Variants in MYMX observed in about 807,000 individuals in gnomAD.
MYMX encodes myomixer, myoblast fusion factor.
the MYMX span, among the ~76,000 whole-genome samples, chr6:44,203,700 C>T: frequency 6.6e-6 from 1 of 152,218 alleles, no homozygotes; most frequent in East Asian, 1.9e-4. Context: ...CTTAACTTTT[C>T]CCTTTGTGAG....
chr6:44,193,660 C>T, the MYMX span, among the ~76,000 whole-genome samples: 1 of 152,146 alleles, frequency 6.6e-6, no homozygotes, highest in East Asian at 1.9e-4. Context: ...ATCACACAGC[C>T]GCTCTCTTCT....
the MYMX span, among the ~76,000 whole-genome samples, chr6:44,211,619 CT>C: frequency 2.2e-3 from 304 of 137,384 alleles, 1 homozygote; most frequent in Middle Eastern, 4.0e-3. Context: ...CTTTTCTTTT[CT>C]TTTTTTTTTT....
chr6:44,215,367 G>A (rs994583184), upstream of MYMX, among the ~76,000 whole-genome samples: 2 of 152,010 alleles, frequency 1.3e-5, no homozygotes, highest in African/African-American at 4.8e-5. Context: ...GAGCCCAGGA[G>A]TTAGAGACCA....
chr6:44,210,892 G>A, the MYMX span, among the ~76,000 whole-genome samples: 2 of 152,206 alleles, frequency 1.3e-5, no homozygotes, highest in Non-Finnish European at 2.9e-5. Flanking sequence ...ACTTTGGGAG[G>A]CTGAAGCAGG....
the MYMX span, among the ~76,000 whole-genome samples, chr6:44,208,257 A>G: frequency 6.6e-6 from 1 of 151,784 alleles, no homozygotes; most frequent in African/African-American, 2.4e-5. Context: ...AAAAAAAAAA[A>G]AAAAGAAAGA....
the MYMX span, among the ~76,000 whole-genome samples, chr6:44,198,761 G>A: frequency 4.6e-5 from 7 of 151,110 alleles, no homozygotes; most frequent in African/African-American, 1.7e-4. Flanking sequence ...GATTACAGGC[G>A]TGCACCACCA....
the MYMX span, among the ~76,000 whole-genome samples, chr6:44,198,241 C>A: frequency 2.1e-5 from 3 of 140,152 alleles, no homozygotes; most frequent in Non-Finnish European, 4.5e-5. Context: ...CGGCTCACTG[C>A]AACCTCCGCC....
At chr6:44,197,707 C>T in the MYMX span, among the ~76,000 whole-genome samples, 1 of 152,146 alleles carries the variant, frequency 6.6e-6, no homozygotes, top group Non-Finnish European at 1.5e-5. Flanking sequence ...GAGATTGCCA[C>T]CTCTGATCCT....
the MYMX span, among the ~76,000 whole-genome samples, chr6:44,201,493 C>T: frequency 2.0e-4 from 30 of 152,314 alleles, no homozygotes; most frequent in African/African-American, 6.0e-4. Flanking sequence ...GGAAGGGCCC[C>T]ACACCAATGC....
chr6:44,209,606 G>A, the MYMX span, among the ~76,000 whole-genome samples: 42 of 152,174 alleles, frequency 2.8e-4, no homozygotes, highest in Middle Eastern at 3.4e-3. Context: ...ATGTAAGTAG[G>A]ATAAAAGTTT....
At chr6:44,211,744 C>T in the MYMX span, among the ~76,000 whole-genome samples, 148 of 148,688 alleles carry the variant, frequency 1.0e-3, no homozygotes, top group African/African-American at 3.2e-3. Flanking sequence ...GAGCCTCCTG[C>T]GTAGCTGGGA....
At chr6:44,204,203 A>T in the MYMX span, among the ~76,000 whole-genome samples, 1 of 152,194 alleles carries the variant, frequency 6.6e-6, no homozygotes, top group Admixed American at 6.5e-5. Context: ...GAAGTAAAAT[A>T]TATAGCATGT....
At chr6:44,199,703 T>TG in the MYMX span, among the ~76,000 whole-genome samples, 5 of 150,582 alleles carry the variant, frequency 3.3e-5, no homozygotes, top group Non-Finnish European at 1.5e-5. Flanking sequence ...TTTTTTTTTT[T>TG]GAGACAGTCT....
the MYMX span, among the ~76,000 whole-genome samples, chr6:44,207,720 G>A: frequency 6.6e-6 from 1 of 152,000 alleles, no homozygotes; most frequent in Non-Finnish European, 1.5e-5. Context: ...TTAGTAGAGC[G>A]AGGTTTCTCC....
upstream of MYMX, among the ~76,000 whole-genome samples, chr6:44,216,731 A>G (rs1268477761): frequency 6.6e-6 from 1 of 151,738 alleles, no homozygotes; most frequent in East Asian, 1.9e-4. Flanking sequence ...GAAATCCTGC[A>G]TATGTTCCCT....
the MYMX span, among the ~76,000 whole-genome samples, chr6:44,209,208 C>A: frequency 6.6e-6 from 1 of 152,314 alleles, no homozygotes; most frequent in South Asian, 2.1e-4. Flanking sequence ...AAGCCATCTT[C>A]CTGCCTCAGC....
the MYMX span, among the ~76,000 whole-genome samples, chr6:44,196,623 A>G: frequency 6.6e-6 from 1 of 152,018 alleles, no homozygotes; most frequent in Admixed American, 6.6e-5. Context: ...AATTTGCGTT[A>G]CTGTACTCCA....
chr6:44,198,050 T>C, the MYMX span, among the ~76,000 whole-genome samples: 3,173 of 152,050 alleles, frequency 0.021, 100 homozygotes, highest in African/African-American at 0.072. Context: ...AGGTGGCTCA[T>C]GCATAGGAGT....
chr6:44,203,833 T>C, the MYMX span, among the ~76,000 whole-genome samples: 1 of 152,142 alleles, frequency 6.6e-6, no homozygotes, highest in East Asian at 1.9e-4. Context: ...ACTTATGTTT[T>C]ATTTCTTTAT....
Sources: gnomAD v4.1 joint callset for allele counts (sites outside exome capture counted in the v4.1 genomes callset) on GRCh38, gnomAD v4.1.1 for gene constraint, MANE v1.5 for transcripts, NCBI Gene and HGNC (gene_info 2026-07-23, HGNC 2026-07-21) for gene names.